NPY4R: variants seen among roughly 807,000 people sequenced by gnomAD.
The protein encoded by NPY4R is neuropeptide Y receptor Y4, also known as neuropeptide Y receptor type 4.
In NPY4R, 2 loss-of-function variants were observed where a neutral mutation model predicts 11.9. The observed-to-expected ratio is 0.17, with a 90% CI of 0.07 to 0.53. NPY4R has a LOEUF of 0.53. Among genes scored for constraint, NPY4R ranks in the 20% least tolerant of loss-of-function variants. NPY4R has a pLI of 0.94. For synonymous variants in NPY4R, 8 were observed against 121.7 expected, an observed-to-expected ratio of 0.07 and a Z score of 6.15; for missense variants, 26 against 280.2, an observed-to-expected ratio of 0.09 and a Z score of 6.48.
chr10:46,466,259 CTTTCCTTT>C (rs1733513466), upstream of NPY4R, among the ~76,000 whole-genome samples: 55 of 60,076 alleles, frequency 9.2e-4, no homozygotes, highest in African/African-American at 1.6e-3. Flanking sequence ...TTCTTTCTTT[CTTTCCTTT>C]CTTTCTTTCT....
At chr10:46,466,243 C>CTT (rs781942664), upstream of NPY4R, among the ~76,000 whole-genome samples, 1 of 69,296 alleles carries the variant, frequency 1.4e-5, no homozygotes, top group African/African-American at 8.4e-5. Context: ...TTCTTTCTTT[C>CTT]TTTCTTTCTT....
upstream of NPY4R, among the ~76,000 whole-genome samples, chr10:46,466,235 C>CTT (rs1193196589): frequency 1.0e-4 from 7 of 69,188 alleles, no homozygotes; most frequent in African/African-American, 1.7e-4. Context: ...TTCTTTCTTT[C>CTT]TTTCTTTCTT....
chr10:46,466,286 C>CTTTCTTTCTT (rs782691125), upstream of NPY4R, among the ~76,000 whole-genome samples: 4 of 14,980 alleles, frequency 2.7e-4, no homozygotes, highest in East Asian at 4.4e-3. Flanking sequence ...CTTTCTTTCT[C>CTTTCTTTCTT]TCTCTCTCTC....
At chr10:46,466,286 C>CTTTTTCTTTCTTTCTT (rs782691125), upstream of NPY4R, among the ~76,000 whole-genome samples, 2 of 14,980 alleles carry the variant, frequency 1.3e-4, no homozygotes, top group East Asian at 2.2e-3. Flanking sequence ...CTTTCTTTCT[C>CTTTTTCTTTCTTTCTT]TCTCTCTCTC....
upstream of NPY4R, among the ~76,000 whole-genome samples, chr10:46,466,240 TTTC>T (rs1841032198): frequency 1.4e-4 from 10 of 71,520 alleles, no homozygotes; most frequent in African/African-American, 5.7e-4. Context: ...TCTTTCTTTC[TTTC>T]TTTCTTTCTT....
At chr10:46,466,221 T>TTCTC (rs1841025796), upstream of NPY4R, among the ~76,000 whole-genome samples, 2 of 64,830 alleles carry the variant, frequency 3.1e-5, no homozygotes, top group African/African-American at 9.8e-5. Context: ...CTTTCTTTCT[T>TTCTC]TCTTTCTTTC....
At chr10:46,466,269 TTTC>T (rs1588926728), upstream of NPY4R, among the ~76,000 whole-genome samples, 4,712 of 85,232 alleles carry the variant, frequency 0.055, 346 homozygotes, top group Non-Finnish European at 0.063. Context: ...CTTTCCTTTC[TTTC>T]TTTCTTTCTT....
At chr10:46,466,368 G>T (rs1841053815), upstream of NPY4R, among the ~76,000 whole-genome samples, 1 of 117,262 alleles carries the variant, frequency 8.5e-6, no homozygotes, top group Admixed American at 8.7e-5. Flanking sequence ...CTGTCTAGGG[G>T]TGTGTGCGTC....
upstream of NPY4R, among the ~76,000 whole-genome samples, chr10:46,466,264 C>CTTTCTTTCTTTCTT (rs1841043395): frequency 1.1e-4 from 2 of 17,404 alleles, no homozygotes; most frequent in African/African-American, 3.9e-4. Flanking sequence ...TCTTTCTTTC[C>CTTTCTTTCTTTCTT]TTTCTTTCTT....
intron 1 of NPY4R, among the ~76,000 whole-genome samples, chr10:46,464,334 A>C (rs1588925144): frequency 8.4e-6 from 1 of 118,760 alleles, no homozygotes; most frequent in African/African-American, 3.3e-5. Context: ...GCACCACTGC[A>C]CTCCAGCCTG....
At chr10:46,466,235 CTTT>C (rs1841030935), upstream of NPY4R, among the ~76,000 whole-genome samples, 8 of 69,236 alleles carry the variant, frequency 1.2e-4, no homozygotes, top group Admixed American at 4.2e-4. Context: ...TTCTTTCTTT[CTTT>C]CTTTCTTTCT....
At chr10:46,464,025 A>G (rs1264298496) in intron 1 of NPY4R, 140 bp from the exon 2 acceptor site, 1 of 143,614 alleles carries the variant, frequency 7.0e-6, no homozygotes, top group Non-Finnish European at 1.5e-5. Flanking sequence ...TACATGATCA[A>G]TTGCTATGTT....
At chr10:46,466,039 T>C (rs1188122353), upstream of NPY4R, among the ~76,000 whole-genome samples, 2 of 150,996 alleles carry the variant, frequency 1.3e-5, no homozygotes, top group Non-Finnish European at 3.0e-5. Context: ...GCCGCCCGCC[T>C]GCCCCGGGAC....
upstream of NPY4R, among the ~76,000 whole-genome samples, chr10:46,466,267 T>TCTTTCTTTC (rs1841044281): frequency 1.5e-5 from 1 of 67,562 alleles, no homozygotes; most frequent in Non-Finnish European, 2.8e-5. Context: ...TTCTTTCCTT[T>TCTTTCTTTC]CTTTCTTTCT....
chr10:46,466,229 T>TTCTTTCTTTC (rs1677792753), upstream of NPY4R, among the ~76,000 whole-genome samples: 3 of 64,538 alleles, frequency 4.6e-5, 1 homozygote, highest in African/African-American at 1.9e-4. Flanking sequence ...CTTTCTTTCT[T>TTCTTTCTTTC]TCTTTCTTTC....
chr10:46,467,804 G>T (rs549390461), upstream of NPY4R, among the ~76,000 whole-genome samples: 4 of 119,780 alleles, frequency 3.3e-5, no homozygotes, highest in Non-Finnish European at 3.5e-5. Flanking sequence ...AGGCAAGAAC[G>T]CAGCCACTGT....
chr10:46,466,234 TC>T (rs1841028683), upstream of NPY4R, among the ~76,000 whole-genome samples: 1 of 68,504 alleles, frequency 1.5e-5, no homozygotes, highest in East Asian at 2.3e-4. Context: ...TTTCTTTCTT[TC>T]TTTCTTTCTT....
upstream of NPY4R, among the ~76,000 whole-genome samples, chr10:46,466,181 C>CTCTTTCTTTCTTTCTT (rs1171598410): frequency 1.3e-4 from 3 of 22,294 alleles, no homozygotes; most frequent in African/African-American, 1.8e-4. Context: ...CTGTCTTTCT[C>CTCTTTCTTTCTTTCTT]TCTTTCTTTC....
At chr10:46,464,177 T>C (rs1205905174) in intron 1 of NPY4R, among the ~76,000 whole-genome samples, 1 of 151,900 alleles carries the variant, frequency 6.6e-6, no homozygotes, top group African/African-American at 2.4e-5. Flanking sequence ...AACACCTGCC[T>C]GGCCAACATG....
Sources: gnomAD v4.1 joint callset for allele counts (sites outside exome capture counted in the v4.1 genomes callset) on GRCh38, gnomAD v4.1.1 for gene constraint, MANE v1.5 for transcripts, NCBI Gene and HGNC (gene_info 2026-07-23, HGNC 2026-07-21) for gene names.